Variants in MARCHF8 observed in about 807,000 individuals in gnomAD.
MARCHF8 encodes the protein E3 ubiquitin-protein ligase MARCHF8.
MARCHF8 carries 40 observed loss-of-function variants against 51.6 expected under a neutral mutation model. That is an observed-to-expected ratio of 0.77 (90% CI 0.60 to 1.01). MARCHF8 has a LOEUF of 1.01. Ranked by LOEUF, MARCHF8 falls within the 50% of genes least tolerant of loss-of-function variation. The probability of loss-of-function intolerance (pLI) is 0.00; values close to 1 mark genes in which losing one functional copy is unlikely to be tolerated. For missense variants in MARCHF8, 685 were observed against 708.6 expected, an observed-to-expected ratio of 0.97 and a Z score of 0.38; for synonymous variants, 263 against 280.3, an observed-to-expected ratio of 0.94 and a Z score of 0.62.
intron 1 of MARCHF8, among the ~76,000 whole-genome samples, chr10:45,589,861 GCTA>G (rs2044659123): frequency 1.3e-5 from 2 of 152,230 alleles, no homozygotes; most frequent in East Asian, 3.9e-4. Flanking sequence ...TATGGCTACC[GCTA>G]CTGTGAACAT....
chr10:45,457,196 C>G lies in MARCHF8; in HGVS notation c.*1043G>C, dbSNP rs1842630997. On this transcript the variant is annotated 3_prime_UTR_variant, in exon 8 of 8. Transcript: ENST00000453424. ...TCTTTCAATGTGAAGCCAACACCAA[C>G]TGGAGAGATTTAACTATAAAGGAAT... 6.6e-6 allele frequency: 1 copy of G among 152,240 alleles called. No homozygotes were observed. The highest frequency in any genetic ancestry group is 6.5e-5 in the Admixed American group (1 of 15,276). The allele number at this position is 152,240 out of a possible 1,614,324, so 9.4% of individuals were successfully genotyped here.
intron 2 of MARCHF8, among the ~76,000 whole-genome samples, chr10:45,512,823 G>GGGAAAT (rs1231585007): frequency 6.6e-6 from 1 of 152,130 alleles, no homozygotes; most frequent in East Asian, 1.9e-4. Context: ...TCGGATGGTT[G>GGGAAAT]CCGTGTCTGT....
intron 3 of MARCHF8, among the ~76,000 whole-genome samples, chr10:45,471,208 T>C (rs1443125318): frequency 6.6e-6 from 1 of 152,224 alleles, no homozygotes; most frequent in Non-Finnish European, 1.5e-5. Context: ...GGAATTCTTT[T>C]CTACAGTGGC....
In MARCHF8 at chr10:45,463,625, A is replaced by G; in HGVS notation, c.614T>C (p.Leu205Pro). Residue 205 changes from leucine (L) to proline (P), a missense_variant, in exon 5 of 8, where the codon CTG becomes CCG. Leu to Pro is a moderately conservative substitution (Grantham distance 98, BLOSUM62 -3). Coordinates refer to ENST00000453424, the MANE Select transcript of MARCHF8 (RefSeq NM_001282866.2). ...GGAATTGCCAAGAGGTTTGTGGTTC[A>G]GGGTTCTTTTTTCTTTATGATGAAA... is the stretch of plus-strand genomic sequence containing the variant. ...NRFHHKEKRT[L>P]NHKPLGNSKH... The G allele has an allele frequency of 1.9e-6, 3 of 1,550,698 alleles. No homozygotes were observed. The South Asian group carries it at 3.6e-5, about 18-fold the overall frequency.
intron 3 of MARCHF8, among the ~76,000 whole-genome samples, chr10:45,486,185 C>A (rs1490001313): frequency 6.6e-6 from 1 of 152,218 alleles, no homozygotes; most frequent in Non-Finnish European, 1.5e-5. Context: ...TCACTCCACT[C>A]AGATACTCTC....
At chr10:45,538,223 T>C (rs543343175), upstream of MARCHF8, among the ~76,000 whole-genome samples, 2,973 of 152,258 alleles carry the variant, frequency 0.02, 82 homozygotes, top group African/African-American at 0.066. Flanking sequence ...AACTAAGCTT[T>C]GTAAGTGAAG....
chr10:45,593,793 T>C (rs2044706984), intron 1 of MARCHF8, among the ~76,000 whole-genome samples: 2 of 152,192 alleles, frequency 1.3e-5, no homozygotes, highest in Non-Finnish European at 1.5e-5. Context: ...TCTAATTACA[T>C]AGCATGCAAT....
intron 1 of MARCHF8, among the ~76,000 whole-genome samples, chr10:45,584,542 A>G (rs947295710): frequency 8.5e-5 from 13 of 152,166 alleles, no homozygotes; most frequent in South Asian, 2.1e-4. Flanking sequence ...CTGCTAAGGT[A>G]AATGCATACT....
At chr10:45,497,070 A>G (rs1589121651) in intron 2 of MARCHF8, among the ~76,000 whole-genome samples, 1 of 152,128 alleles carries the variant, frequency 6.6e-6, no homozygotes, top group Admixed American at 6.5e-5. Context: ...TTCTAAGTTC[A>G]GGAGATACAA....
intron 1 of MARCHF8, among the ~76,000 whole-genome samples, chr10:45,574,879 CCTCA>C (rs139636150): frequency 0.061 from 9,329 of 151,986 alleles, 326 homozygotes; most frequent in Non-Finnish European, 0.066. Context: ...TAACTTGAGC[CCTCA>C]CTCTTCCAAA....
intron 1 of MARCHF8, among the ~76,000 whole-genome samples, chr10:45,569,084 A>AAAAT (rs2044400102): frequency 6.6e-6 from 1 of 151,820 alleles, no homozygotes; most frequent in Non-Finnish European, 1.5e-5. Flanking sequence ...AAAAAAAAAA[A>AAAAT]AATTGCAAAA....
intron 2 of MARCHF8, among the ~76,000 whole-genome samples, chr10:45,514,855 A>C (rs1288755146): frequency 6.6e-6 from 1 of 152,030 alleles, no homozygotes; most frequent in African/African-American, 2.4e-5. Context: ...ACAAAACAAA[A>C]TTTTTTTCCC....
chr10:45,514,938 G>A (rs2043594071), intron 2 of MARCHF8, among the ~76,000 whole-genome samples: 1 of 152,128 alleles, frequency 6.6e-6, no homozygotes. Context: ...TGATCAGCAG[G>A]TCAGTATTTA....
chr10:45,514,585 T>A (rs975429830), intron 2 of MARCHF8, among the ~76,000 whole-genome samples: 2 of 152,230 alleles, frequency 1.3e-5, no homozygotes, highest in African/African-American at 4.8e-5. Context: ...AACGAGGCAG[T>A]GAATGAATAA....
At chr10:45,594,674 G>GC (rs1392007732) in exon 1 of MARCHF8, 1 of 139,430 alleles carries the variant, frequency 7.2e-6, no homozygotes, top group Non-Finnish European at 1.5e-5. Context: ...CACACCCCCT[G>GC]CCCGGGCCGG....
At chr10:45,562,943 TG>T (rs1480020988) in intron 1 of MARCHF8, among the ~76,000 whole-genome samples, 1 of 150,710 alleles carries the variant, frequency 6.6e-6, no homozygotes, top group Non-Finnish European at 1.5e-5. Flanking sequence ...GACTTATATG[TG>T]GGTTTTTTTT....
chr10:45,461,260 T>A lies in MARCHF8; in HGVS notation c.1240A>T (p.Met414Leu). 6.4e-7 allele frequency: 1 copy of A among 1,567,660 alleles called. No individual in the cohort carries two copies. The change falls in exon 6 of 8, where the codon ATG becomes TTG. Residue 414 changes from methionine to leucine, a missense_variant. Coordinates refer to ENST00000453424, the MANE Select transcript of MARCHF8 (RefSeq NM_001282866.2). ...CTCAGTGGCTTCAGCTTGGTCTCCATGATGAACTCATACTTGCAGAGCTCG... is the reference window on the plus strand; with the variant it reads ...CTCAGTGGCTTCAGCTTGGTCTCCAAGATGAACTCATACTTGCAGAGCTCG... The part of the protein sequence containing the change: ...CCELCKYEFI[M>L]ETKLKPLRKW...
intron 4 of MARCHF8, 25 bp downstream of exon 4, chr10:45,464,214 G>A (rs750410216): frequency 1.9e-6 from 3 of 1,605,114 alleles, no homozygotes. Flanking sequence ...CACTGATCAT[G>A]GCAGCATCTG....
chr10:45,556,560 C>T (rs1039933123), intron 1 of MARCHF8, among the ~76,000 whole-genome samples: 4 of 152,124 alleles, frequency 2.6e-5, no homozygotes, highest in African/African-American at 4.8e-5. Context: ...AGTTTTGAAA[C>T]TTTGATGTAT....
Sources: gnomAD v4.1 joint callset for allele counts (sites outside exome capture counted in the v4.1 genomes callset) on GRCh38, gnomAD v4.1.1 for gene constraint, MANE v1.5 for transcripts, NCBI Gene and HGNC (gene_info 2026-07-23, HGNC 2026-07-21) for gene names.